Variants in CNBD1 observed in about 807,000 individuals in gnomAD.
The protein encoded by CNBD1 is cyclic nucleotide-binding domain-containing protein 1.
CNBD1 carries 71 observed loss-of-function variants against 54.4 expected under a neutral mutation model. The observed-to-expected ratio is 1.30, with a 90% confidence interval of 1.08 to 1.59. The LOEUF (loss-of-function observed/expected upper bound fraction) is 1.59, where lower values mean the gene tolerates loss of function less well. Ranked by LOEUF, CNBD1 falls within the 40% of genes most tolerant of loss-of-function variation. The probability of loss-of-function intolerance (pLI) is 0.00; values close to 1 mark genes in which losing one functional copy is unlikely to be tolerated. For synonymous variants in CNBD1, 182 were observed against 170.7 expected (o/e 1.07, Z -0.51); for missense variants, 659 against 518.0 (o/e 1.27, Z -2.64).
At chr8:87,304,270 A>G (rs1809089372) in intron 8 of CNBD1, among the ~76,000 whole-genome samples, 1 of 152,164 alleles carries the variant, frequency 6.6e-6, no homozygotes, top group African/African-American at 2.4e-5. Context: ...GATTAAGAAA[A>G]TGTGGCGCAT....
At chr8:87,057,132 G>A (rs1267556739) in intron 4 of CNBD1, among the ~76,000 whole-genome samples, 1 of 152,070 alleles carries the variant, frequency 6.6e-6, no homozygotes, top group East Asian at 1.9e-4. Flanking sequence ...TTATGGAAAG[G>A]GCCATGTATT....
At chr8:87,327,988 G>A (rs752427310) in intron 8 of CNBD1, among the ~76,000 whole-genome samples, 1 of 151,504 alleles carries the variant, frequency 6.6e-6, no homozygotes, top group African/African-American at 2.4e-5. Flanking sequence ...TAAAAGTTTA[G>A]TTTAATTTCT....
Position 87,332,431 on chromosome 8 carries a change from G to A in CNBD1, c.1043-19254G>A, listed in dbSNP as rs371306287. ...AGCGTTTGTTGTAATTGCTTTTAGCGATTTCATAATAAAAGATTTACCCAT... is the reference window on the plus strand; with the variant it reads ...AGCGTTTGTTGTAATTGCTTTTAGCAATTTCATAATAAAAGATTTACCCAT... On this transcript the variant is annotated intron_variant, in intron 8 of 10. Transcript: ENST00000518476. Among the ~76,000 whole-genome samples the A allele has an allele frequency of 1.8e-4, 28 of 151,980 alleles. 1 individual carries two copies. The highest frequency in any genetic ancestry group is 7.7e-4 in the East Asian group (4 of 5,184).
intron 4 of CNBD1, among the ~76,000 whole-genome samples, chr8:86,993,386 T>C (rs1422824268): frequency 6.6e-6 from 1 of 152,192 alleles, no homozygotes; most frequent in Admixed American, 6.5e-5. Flanking sequence ...GTCCTGGGAT[T>C]GGGTTTCAAC....
intron 8 of CNBD1, among the ~76,000 whole-genome samples, chr8:87,304,934 A>G (rs1051687907): frequency 6.6e-6 from 1 of 152,116 alleles, no homozygotes; most frequent in African/African-American, 2.4e-5. Flanking sequence ...AAAGAAATAA[A>G]GGGCATCCAA....
At chr8:87,220,357 C>G (rs1814304074) in intron 5 of CNBD1, among the ~76,000 whole-genome samples, 1 of 151,948 alleles carries the variant, frequency 6.6e-6, no homozygotes, top group African/African-American at 2.4e-5. Context: ...TAGTGATATC[C>G]TTTTAGGGAG....
At chr8:87,402,178 A>G (rs1326139371) in intron 2 of CNBD1, among the ~76,000 whole-genome samples, 2 of 151,970 alleles carry the variant, frequency 1.3e-5, no homozygotes, top group African/African-American at 4.8e-5. Context: ...ATCTCATGAG[A>G]TGTTTTCACT....
Position 87,317,010 on chromosome 8 carries a change from T to C in CNBD1, c.1042+30339T>C, listed in dbSNP as rs568763844. On this transcript the variant is annotated intron_variant, in intron 8 of 10. Transcript: ENST00000518476. ...GAGGCCTTAGATGAATTACATAAAC[T>C]TCTCTAGGTCTCATTTTTCTTCTTT... 1.4e-3 allele frequency among the ~76,000 whole-genome samples: 213 copies of C among 151,940 alleles called. 2 individuals are homozygous for C. The highest frequency in any genetic ancestry group is 4.3e-3 in the African/African-American group (180 of 41,536).
At chr8:87,228,677 G>C (rs965177724) in intron 5 of CNBD1, among the ~76,000 whole-genome samples, 12 of 151,762 alleles carry the variant, frequency 7.9e-5, no homozygotes, top group Admixed American at 7.2e-4. Flanking sequence ...GTCTGCAGAA[G>C]TTACTGCTGT....
chr8:87,419,784 A>G (rs930699737), intron 2 of CNBD1, among the ~76,000 whole-genome samples: 2 of 151,912 alleles, frequency 1.3e-5, no homozygotes, highest in East Asian at 1.9e-4. Context: ...TGTGAATTCT[A>G]TGAAAAATTT....
At chr8:87,327,346 C>T (rs1166097264) in intron 8 of CNBD1, among the ~76,000 whole-genome samples, 5 of 150,476 alleles carry the variant, frequency 3.3e-5, no homozygotes, top group South Asian at 2.1e-4. Context: ...TTCGAGCTTC[C>T]CGGCTGCTTT....
At chr8:86,985,708 T>G (rs1281525276) in intron 4 of CNBD1, among the ~76,000 whole-genome samples, 2 of 152,184 alleles carry the variant, frequency 1.3e-5, no homozygotes, top group Non-Finnish European at 2.9e-5. Flanking sequence ...TCTTTGGGTA[T>G]ATACTCAGAA....
chr8:87,028,161 T>C (rs1809698030), intron 4 of CNBD1, among the ~76,000 whole-genome samples: 1 of 152,174 alleles, frequency 6.6e-6, no homozygotes, highest in Admixed American at 6.6e-5. Flanking sequence ...TGGAAATTCC[T>C]TTAAAAATTT....
intron 5 of CNBD1, among the ~76,000 whole-genome samples, chr8:87,226,571 T>C (rs955868068): frequency 1.3e-5 from 2 of 148,416 alleles, no homozygotes; most frequent in African/African-American, 5.2e-5. Context: ...TTCTTAATCC[T>C]GAGTTCTAGT....
At chr8:87,409,110 T>G (rs1055301123) in intron 2 of CNBD1, among the ~76,000 whole-genome samples, 1 of 152,188 alleles carries the variant, frequency 6.6e-6, no homozygotes, top group Non-Finnish European at 1.5e-5. Flanking sequence ...TGTCGAAAGC[T>G]GAGAAAGGCT....
In CNBD1 at chr8:87,286,656, T is replaced by A; in HGVS notation, c.1027T>A (p.Phe343Ile). 1.3e-6 allele frequency: 2 copies of A among 1,542,588 alleles called. No homozygotes were observed. Among genetic ancestry groups the A allele is most frequent in the Non-Finnish European group, 8.8e-7 (1 of 1,140,542 alleles). Reference sequence around the variant, plus strand: ...AATTGCACTCCTTAAATGGAAAAAATTTCCTCCAGGTCATGGTAAGTTTAA... The same window carrying A: ...AATTGCACTCCTTAAATGGAAAAAAATTCCTCCAGGTCATGGTAAGTTTAA... Reference protein sequence around the residue: ...ELIALLKWKKFPPGHVIVESG... With the variant: ...ELIALLKWKKIPPGHVIVESG... Residue 343 changes from phenylalanine (F) to isoleucine (I), a missense_variant, in exon 8 of 11, where the codon TTT becomes ATT. Coordinates refer to ENST00000518476, the MANE Select transcript of CNBD1 (RefSeq NM_173538.3).
At chr8:87,123,156 T>C (rs932231629) in intron 4 of CNBD1, among the ~76,000 whole-genome samples, 1 of 151,818 alleles carries the variant, frequency 6.6e-6, no homozygotes, top group Non-Finnish European at 1.5e-5. Context: ...AATTACACTT[T>C]AGACCAAATA....
chr8:87,205,889 AC>A, intron 4 of CNBD1, 103 bp from the exon 5 acceptor site: 2 of 975,364 alleles, frequency 2.1e-6, no homozygotes, highest in Non-Finnish European at 2.8e-6. Flanking sequence ...AAAACCCTTA[AC>A]TAAACAGAAA....
At position 87,275,352 on chromosome 8, in the gene CNBD1, A is replaced by T. The variant is rs982195177; in HGVS notation, c.772-9326A>T. 2.0e-5 allele frequency among the ~76,000 whole-genome samples: 3 copies of T among 151,502 alleles called. No homozygotes were observed. In the East Asian group the frequency reaches 5.8e-4, roughly 29 times the overall value. ...TTGATGGGGATAGCATTGAATCTAT[A>T]AATTACCTTGGGCAGTATGGCCATT... On this transcript the variant is annotated intron_variant, in intron 6 of 10. Coordinates refer to ENST00000518476, the MANE Select transcript of CNBD1 (RefSeq NM_173538.3).
Sources: gnomAD v4.1 joint callset for allele counts (sites outside exome capture counted in the v4.1 genomes callset) on GRCh38, gnomAD v4.1.1 for gene constraint, MANE v1.5 for transcripts, NCBI Gene and HGNC (gene_info 2026-07-23, HGNC 2026-07-21) for gene names.